Variants in EPHB4 observed in about 807,000 individuals in gnomAD.
EPHB4 encodes the protein ephrin type-B receptor 4.
A neutral mutation model predicts 110.6 loss-of-function variants in EPHB4; 50 were observed. The observed-to-expected ratio is 0.45, with a 90% confidence interval of 0.36 to 0.57. The LOEUF (loss-of-function observed/expected upper bound fraction) is 0.57. Ranked by LOEUF, EPHB4 falls within the 20% of genes least tolerant of loss-of-function variation. The pLI, the probability that EPHB4 is intolerant of heterozygous loss-of-function variation, is 0.00. For missense variants in EPHB4, 1,128 were observed against 1,382.1 expected (o/e 0.82, Z 2.91); for synonymous variants, 592 against 578.4 (o/e 1.02, Z -0.34).
At chr7:100,804,317 T>C (rs1443581255) in intron 16 of EPHB4, among the ~76,000 whole-genome samples, 4 of 140,236 alleles carry the variant, frequency 2.9e-5, no homozygotes, top group Admixed American at 2.1e-4. Context: ...TCTTTTTTTT[T>C]TTTTTTTTTT....
At chr7:100,809,048 T>G (rs1812875663) in intron 12 of EPHB4, among the ~76,000 whole-genome samples, 2 of 152,198 alleles carry the variant, frequency 1.3e-5, no homozygotes, top group African/African-American at 4.8e-5. Context: ...AACAGGCTTC[T>G]GCTGCAGGCC....
At chr7:100,815,736 C>T (rs1240004025) in intron 8 of EPHB4, among the ~76,000 whole-genome samples, 1 of 152,176 alleles carries the variant, frequency 6.6e-6, no homozygotes, top group African/African-American at 2.4e-5. Flanking sequence ...CCTGTAATCC[C>T]AGCACTTTGG....
rs764852078 is a variant in EPHB4, at chr7:100,806,404, A to C, written c.2484+16T>G. 1.2e-6 allele frequency: 2 copies of C among 1,607,458 alleles called. No homozygotes were observed. The highest frequency in any genetic ancestry group is 1.7e-6 in the Non-Finnish European group (2 of 1,176,120). ...GAACACTCGAGGAAAGCTTGGTAGG[A>C]CCACGGGACACTTACGTCCTGATTG... On this transcript the variant is annotated intron_variant, in intron 14 of 16. Transcript: ENST00000358173.
rs778010856 is a variant in EPHB4, at chr7:100,822,680, G to C, written c.412-13C>G. 6.5e-7 allele frequency: 1 copy of C among 1,539,040 alleles called. No homozygotes were observed. Among genetic ancestry groups the C allele is most frequent in the East Asian group, 2.3e-5 (1 of 42,990 alleles). On this transcript the variant is annotated splice_polypyrimidine_tract_variant and intron_variant, in intron 3 of 16. Transcript: ENST00000358173. This position sits in a 1 kb window ranked among gnomAD's most constrained non-coding sequence, Gnocchi z 4.7. ...CCACCGTGTCCACCTGCCGGCGGGGGGGAGGCACACCGCTGCTGTCCCCAC... is the reference window on the plus strand; with the variant it reads ...CCACCGTGTCCACCTGCCGGCGGGGCGGAGGCACACCGCTGCTGTCCCCAC...
At chr7:100,811,643 G>C (rs562413371) in intron 12 of EPHB4, among the ~76,000 whole-genome samples, 1 of 152,166 alleles carries the variant, frequency 6.6e-6, no homozygotes, top group Non-Finnish European at 1.5e-5. Flanking sequence ...GCTGAGGAGG[G>C]AGGCTCGCTT....
At chr7:100,817,905 C>T (rs1350624731) in intron 7 of EPHB4, among the ~76,000 whole-genome samples, 3 of 53,070 alleles carry the variant, frequency 5.7e-5, no homozygotes, top group African/African-American at 1.3e-4. Context: ...CTTGTTCTTT[C>T]GCCCAGGCCG....
intron 12 of EPHB4, among the ~76,000 whole-genome samples, chr7:100,812,009 C>T (rs997049471): frequency 1.8e-4 from 28 of 151,814 alleles, no homozygotes; most frequent in African/African-American, 5.6e-4. Flanking sequence ...CCCGTCTCTA[C>T]TAAAAATACA....
At chr7:100,818,164 GC>G (rs1813129369) in intron 7 of EPHB4, among the ~76,000 whole-genome samples, 1 of 151,698 alleles carries the variant, frequency 6.6e-6, no homozygotes, top group Non-Finnish European at 1.5e-5. Context: ...ACCGCGCCCG[GC>G]CCATTTTAAG....
chr7:100,806,538 G>A lies in EPHB4; in HGVS notation c.2366C>T (p.Pro789Leu), dbSNP rs753075600. The change falls in exon 14 of 17, where the codon CCG (proline) becomes CTG (leucine). Residue 789 changes from proline to leucine, a missense_variant. By Grantham distance (98) the Pro-to-Leu change is moderately conservative. Around this residue, in one of 3 missense-constraint regions of EPHB4, gnomAD observed 191 missense variants for 313.0 expected, o/e 0.61. Coordinates refer to ENST00000358173, the MANE Select transcript of EPHB4 (RefSeq NM_004444.5). Reference sequence around the variant, plus strand: ...GAACTTCCGGAAGGCAATGGCCTCCGGGGCAGTCCATCGGATGGGAATCTT... The same window carrying A: ...GAACTTCCGGAAGGCAATGGCCTCCAGGGCAGTCCATCGGATGGGAATCTT... ...GGKIPIRWTAPEAIAFRKFTS... is the reference protein window; with the variant it reads ...GGKIPIRWTALEAIAFRKFTS... 6.2e-6 allele frequency: 10 copies of A among 1,613,840 alleles called. No homozygotes were observed. The highest frequency in any genetic ancestry group is 3.3e-5 in the Admixed American group (2 of 59,944).
rs762498419 is a variant in EPHB4, at chr7:100,805,937, C to T, written c.2485-243G>A. Reference sequence around the variant, plus strand: ...TGCCCTCCATCTCTGCATCCTTCTGCGACCCAAATATGCTGTACCCAACTC... The same window carrying T: ...TGCCCTCCATCTCTGCATCCTTCTGTGACCCAAATATGCTGTACCCAACTC... On this transcript the variant is annotated intron_variant, in intron 14 of 16. Transcript: ENST00000358173. 6.0e-5 allele frequency: 25 copies of T among 416,288 alleles called. No individual in the cohort carries two copies. In the Admixed American group the frequency reaches 7.8e-4, roughly 13 times the overall value. The allele number at this position is 416,288 out of a possible 1,614,324, so 25.8% of individuals were successfully genotyped here.
chr7:100,823,590 T>C, intron 3 of EPHB4, 54 bp downstream of exon 3: 1 of 1,585,226 alleles, frequency 6.3e-7, no homozygotes, highest in Non-Finnish European at 8.6e-7. Context: ...GCCACGGGCC[T>C]GCTGGCTGGA....
intron 3 of EPHB4, among the ~76,000 whole-genome samples, chr7:100,823,111 C>A (rs967351159): frequency 1.3e-5 from 2 of 152,064 alleles, no homozygotes; most frequent in South Asian, 4.2e-4. Context: ...ACGTAGAAGA[C>A]CCCGCTTTAA....
chr7:100,805,204 G>A lies in EPHB4; in HGVS notation c.2796C>T (p.Gly932=). ...GRYEESFAAA[G]FGSFELVSQI... is the part of the protein sequence containing the mutation. ...GGCTGACCAGCTCGAAGGAGCCAAA[G>A]CCAGCGGCTGCGAAACTTTCTTCGT... Residue 932 remains glycine, a synonymous_variant, in exon 16 of 17, where the codon GGC becomes GGT. Transcript: ENST00000358173. 6.2e-7 allele frequency: 1 copy of A among 1,613,168 alleles called. No homozygotes were observed.
At chr7:100,817,061 G>T (rs533155928) in intron 8 of EPHB4, 131 bp downstream of exon 8, 277 of 1,092,900 alleles carry the variant, frequency 2.5e-4, no homozygotes, top group Admixed American at 3.9e-4. Flanking sequence ...CCAGCCTGAG[G>T]GACAGAGCAA....
At chr7:100,811,627 T>C (rs139224711) in intron 12 of EPHB4, among the ~76,000 whole-genome samples, 2 of 152,044 alleles carry the variant, frequency 1.3e-5, no homozygotes, top group Non-Finnish European at 2.9e-5. Flanking sequence ...CCCAGTGCTG[T>C]GGGAGGCTGA....
chr7:100,826,905 C>T, intron 1 of EPHB4, 74 bp downstream of exon 1: 1 of 1,512,300 alleles, frequency 6.6e-7, no homozygotes, highest in Non-Finnish European at 8.9e-7. Flanking sequence ...CCGGCCCCTC[C>T]ACTCCGAGGC....
At chr7:100,809,167 C>T (rs1007688416) in intron 12 of EPHB4, among the ~76,000 whole-genome samples, 5 of 151,962 alleles carry the variant, frequency 3.3e-5, no homozygotes, top group African/African-American at 4.8e-5. Context: ...AGTAAAGTGG[C>T]GTGATCTTGG....
In EPHB4 at chr7:100,805,439, A is replaced by G. The variant is rs921582965; in HGVS notation, c.2678+62T>C. The G allele has an allele frequency of 1.4e-5, 21 of 1,548,354 alleles. No individual in the cohort carries two copies. In the African/African-American group the frequency reaches 2.7e-4, roughly 20 times the overall value. ...TCCCACCCAACACCAATGAACGGAC[A>G]CTTCTGGGCAAGGAGTGGGGGCAGA... On this transcript the variant is annotated intron_variant, in intron 15 of 16. Transcript: ENST00000358173.
At position 100,824,290 on chromosome 7, in the gene EPHB4, G is replaced by T; in HGVS notation, c.53-17C>A. Reference sequence around the variant, plus strand: ...GCAGGGTCTCTGAGACAGACAGAGAGACAGAGTCAGTGCCTGGGGTGGGGG... The same window carrying T: ...GCAGGGTCTCTGAGACAGACAGAGATACAGAGTCAGTGCCTGGGGTGGGGG... On this transcript the variant is annotated splice_polypyrimidine_tract_variant and intron_variant, in intron 1 of 16. Transcript: ENST00000358173. 6.2e-7 allele frequency: 1 copy of T among 1,613,624 alleles called. No homozygotes were observed. Among genetic ancestry groups the T allele is most frequent in the Non-Finnish European group, 8.5e-7 (1 of 1,179,696 alleles).
Sources: allele counts gnomAD v4.1 joint callset (sites outside exome capture counted in the v4.1 genomes callset), GRCh38; gene constraint gnomAD v4.1.1; regional missense constraint gnomAD v4.1.1; non-coding constraint Gnocchi (gnomAD v3.1); transcripts MANE v1.5; gene names NCBI Gene and HGNC (gene_info 2026-07-23, HGNC 2026-07-21).